AVEN: variants seen among roughly 807,000 people sequenced by gnomAD.
AVEN encodes cell death regulator Aven.
Under a neutral mutation model 38.1 loss-of-function variants are expected in AVEN, and 41 were observed. The observed-to-expected ratio is 1.08, with a 90% confidence interval of 0.84 to 1.40. AVEN has a LOEUF of 1.40. AVEN is among the 40% of genes most tolerant of loss of function. The pLI is 0.00. For synonymous variants in AVEN, 206 were observed against 171.8 expected (o/e 1.20, Z -1.56); for missense variants, 605 against 438.8 (o/e 1.38, Z -3.38).
intron 1 of AVEN, among the ~76,000 whole-genome samples, chr15:34,026,422 A>T (rs894759624): frequency 6.6e-6 from 1 of 152,188 alleles, no homozygotes; most frequent in African/African-American, 2.4e-5. Flanking sequence ...GAAAGGAAAC[A>T]CGGATTAATT....
intron 5 of AVEN, among the ~76,000 whole-genome samples, chr15:34,059,149 G>A (rs527595250): frequency 6.7e-6 from 1 of 149,318 alleles, no homozygotes; most frequent in Admixed American, 6.6e-5. Flanking sequence ...CACCCGCCTC[G>A]GCCTCCCAAA....
chr15:33,863,724 T>A (rs558319728), downstream of AVEN, among the ~76,000 whole-genome samples: 3 of 152,234 alleles, frequency 2.0e-5, no homozygotes, highest in Non-Finnish European at 4.4e-5. Flanking sequence ...ATGACAGATA[T>A]TCTTGAGACA....
intron 1 of AVEN, 103 bp downstream of exon 1, chr15:34,038,672 CCGTCT>C: frequency 2.9e-6 from 3 of 1,037,788 alleles, no homozygotes; most frequent in Non-Finnish European, 3.5e-6. Context: ...GCGCCGCCGC[CCGTCT>C]GGCGCGCGCC....
chr15:33,906,213 G>C (rs1892694355), intron 2 of AVEN, among the ~76,000 whole-genome samples: 1 of 152,136 alleles, frequency 6.6e-6, no homozygotes, highest in Non-Finnish European at 1.5e-5. Context: ...GGGAGGGGTA[G>C]GGAAGGCAAA....
intron 2 of AVEN, among the ~76,000 whole-genome samples, chr15:33,934,473 C>G (rs1486608513): frequency 2.0e-5 from 3 of 152,140 alleles, no homozygotes; most frequent in Non-Finnish European, 4.4e-5. Flanking sequence ...TATCTATTTC[C>G]AAGTTAATTT....
In AVEN at chr15:34,015,497, AT is replaced by A. The variant is rs888607226; in HGVS notation, c.268-12289del. Among the ~76,000 whole-genome samples, 12 of 152,218 alleles carry A rather than the reference AT, an allele frequency of 7.9e-5. No homozygotes were observed. In the South Asian group the frequency reaches 2.3e-3, roughly 29 times the overall value. On this transcript the variant is annotated intron_variant, in intron 1 of 5. Coordinates refer to ENST00000306730, the MANE Select transcript of AVEN (RefSeq NM_020371.3). ...ACTCCATCTCAAAAAATAAAAAAAA[AT>A]AAAAAAATTCCACAAAATATCCAAA...
At chr15:33,961,611 A>G (rs894205034) in intron 2 of AVEN, among the ~76,000 whole-genome samples, 2 of 151,808 alleles carry the variant, frequency 1.3e-5, no homozygotes, top group Admixed American at 6.6e-5. Flanking sequence ...CAGGAGATCG[A>G]GACCATTCTG....
At chr15:33,974,342 C>A (rs2140504433) in intron 2 of AVEN, among the ~76,000 whole-genome samples, 1 of 152,324 alleles carries the variant, frequency 6.6e-6, no homozygotes, top group South Asian at 2.1e-4. Context: ...TGCCCCCTCT[C>A]CCTCTTTCAC....
At chr15:33,961,737 C>A (rs915810141) in intron 2 of AVEN, among the ~76,000 whole-genome samples, 3 of 142,250 alleles carry the variant, frequency 2.1e-5, no homozygotes, top group Non-Finnish European at 3.0e-5. Context: ...GGCGTGAACC[C>A]GGGAGGCGGA....
chr15:33,853,049 T>C, the AVEN span: 1 of 1,606,888 alleles, frequency 6.2e-7, no homozygotes, highest in Admixed American at 1.7e-5. Flanking sequence ...TTTCAGATCT[T>C]TTCCTAATAA....
intron 2 of AVEN, among the ~76,000 whole-genome samples, chr15:33,933,886 G>A (rs1893966864): frequency 1.3e-5 from 2 of 152,244 alleles, no homozygotes; most frequent in Admixed American, 1.3e-4. Flanking sequence ...TTGAACTGGG[G>A]AGGCAGAGGT....
intron 1 of AVEN, among the ~76,000 whole-genome samples, chr15:34,031,116 T>G (rs1391192809): frequency 1.4e-4 from 1 of 7,252 alleles, no homozygotes; most frequent in Non-Finnish European, 5.9e-3. Flanking sequence ...AGAATACATA[T>G]GAGTTTTTTT....
intron 1 of AVEN, among the ~76,000 whole-genome samples, chr15:34,026,649 G>T (rs1187426310): frequency 6.6e-6 from 1 of 151,986 alleles, no homozygotes; most frequent in Non-Finnish European, 1.5e-5. Flanking sequence ...TCAGAACAAG[G>T]ATCACTGAGG....
chr15:33,870,908 G>C lies in AVEN; in HGVS notation c.612+27C>G, dbSNP rs761830276. On this transcript the variant is annotated intron_variant, in intron 4 of 5. Coordinates refer to ENST00000306730, the MANE Select transcript of AVEN (RefSeq NM_020371.3). ...TTTCTCCTCCTGCCCTAATCCACCC[G>C]CTTCAAGAGGGCTTCGGGATTTTTA... is the stretch of plus-strand genomic sequence containing the variant. The C allele has an allele frequency of 5.7e-6, 9 of 1,570,048 alleles. No homozygotes were observed. In the South Asian group the frequency reaches 6.7e-5, roughly 12 times the overall value.
At chr15:33,893,932 G>T (rs945875517) in intron 2 of AVEN, among the ~76,000 whole-genome samples, 1 of 149,998 alleles carries the variant, frequency 6.7e-6, no homozygotes, top group African/African-American at 2.4e-5. Flanking sequence ...TGAGAAGGAG[G>T]AGCAACCTTG....
chr15:34,065,209 T>C (rs1900478532), intron 4 of AVEN: 1 of 152,650 alleles, frequency 6.6e-6, no homozygotes, highest in African/African-American at 2.4e-5. Flanking sequence ...GGAAGACTAA[T>C]TGTGTAAGAG....
intron 2 of AVEN, among the ~76,000 whole-genome samples, chr15:33,951,082 T>G (rs1449256670): frequency 9.5e-4 from 110 of 116,390 alleles, no homozygotes; most frequent in South Asian, 2.7e-3. Context: ...AAGAGGCGAG[T>G]GGGGGGAGGA....
downstream of AVEN, among the ~76,000 whole-genome samples, chr15:33,864,342 A>G (rs191110751): frequency 2.0e-5 from 3 of 152,344 alleles, no homozygotes; most frequent in Admixed American, 6.5e-5. Flanking sequence ...TAAGAAGCCA[A>G]AGTCCTCCTG....
chr15:33,869,752 T>C (rs1020857280), intron 4 of AVEN, among the ~76,000 whole-genome samples: 7 of 152,120 alleles, frequency 4.6e-5, no homozygotes, highest in African/African-American at 1.4e-4. Flanking sequence ...TAGCATCACA[T>C]TCACCCACAG....
Sources: allele counts gnomAD v4.1 joint callset (sites outside exome capture counted in the v4.1 genomes callset), GRCh38; gene constraint gnomAD v4.1.1; transcripts MANE v1.5; gene names NCBI Gene and HGNC (gene_info 2026-07-23, HGNC 2026-07-21).